Variants in ROR1 observed in about 807,000 individuals in gnomAD.
ROR1 encodes the protein ROR family WNT receptor 1, also known as inactive tyrosine-protein kinase transmembrane receptor ROR1.
Under a neutral mutation model 78.8 loss-of-function variants are expected in ROR1, and 19 were observed. The ratio of observed to expected loss-of-function variants is 0.24; its 90% confidence interval spans 0.17 to 0.35. The LOEUF is 0.35. Among genes scored for constraint, ROR1 ranks in the 10% least tolerant of loss-of-function variants. The probability of loss-of-function intolerance (pLI) is 1.00; values close to 1 mark genes in which losing one functional copy is unlikely to be tolerated. For missense variants in ROR1, 917 were observed against 1,177.8 expected (o/e 0.78, Z 3.24); for synonymous variants, 386 against 433.6 (o/e 0.89, Z 1.36).
chr1:63,903,615 T>C (rs1043765998), intron 1 of ROR1, among the ~76,000 whole-genome samples: 2 of 152,158 alleles, frequency 1.3e-5, no homozygotes, highest in African/African-American at 4.8e-5. Flanking sequence ...GCTCACCCCA[T>C]GTCCATAGGT....
chr1:64,121,058 CCTTTTTTTTTTTTTTTTTTTTTTT>C (rs1347387211), intron 4 of ROR1, among the ~76,000 whole-genome samples: 13 of 112,082 alleles, frequency 1.2e-4, no homozygotes, highest in East Asian at 2.2e-4. Context: ...GGGAGATACC[CCTTTTTTTTTTTTTTTTTTTTTTT>C]TTTTTTTTTT....
At chr1:63,827,550 G>A (rs1476387610) in intron 1 of ROR1, among the ~76,000 whole-genome samples, 1 of 152,136 alleles carries the variant, frequency 6.6e-6, no homozygotes, top group East Asian at 1.9e-4. Context: ...TCTGTAAACT[G>A]GAAGCATTCT....
At chr1:63,997,601 A>G (rs553399442) in intron 1 of ROR1, among the ~76,000 whole-genome samples, 47 of 152,232 alleles carry the variant, frequency 3.1e-4, no homozygotes, top group African/African-American at 1.1e-3. Flanking sequence ...TGTGTTTTTC[A>G]GTTATTTTTA....
chr1:64,132,803 T>C (rs1322996033), intron 4 of ROR1, among the ~76,000 whole-genome samples: 3 of 150,040 alleles, frequency 2.0e-5, no homozygotes, highest in African/African-American at 7.5e-5. Context: ...GATAGGCATT[T>C]TAACTGAAAT....
intron 2 of ROR1, among the ~76,000 whole-genome samples, chr1:64,041,004 T>A (rs546056808): frequency 1.6e-4 from 24 of 152,314 alleles, no homozygotes; most frequent in Middle Eastern, 3.4e-3. Context: ...TTTATCTGGA[T>A]GGTCTCAAGT....
chr1:63,873,763 A>G (rs1016170735), intron 1 of ROR1, among the ~76,000 whole-genome samples: 1 of 152,122 alleles, frequency 6.6e-6, no homozygotes, highest in East Asian at 1.9e-4. Context: ...CACTAATAGC[A>G]AAACTAAAAT....
intron 1 of ROR1, among the ~76,000 whole-genome samples, chr1:63,899,053 C>T (rs964949745): frequency 6.6e-6 from 1 of 152,088 alleles, no homozygotes; most frequent in Non-Finnish European, 1.5e-5. Flanking sequence ...CTCCATCACA[C>T]AGGACCTGCT....
intron 1 of ROR1, among the ~76,000 whole-genome samples, chr1:63,775,065 C>G (rs905761999): frequency 1.3e-5 from 2 of 152,116 alleles, no homozygotes; most frequent in Non-Finnish European, 2.9e-5. Flanking sequence ...CCGGCCCTCC[C>G]GAGAGTCATC....
chr1:63,952,138 A>G (rs1645944926), intron 1 of ROR1, among the ~76,000 whole-genome samples: 1 of 152,120 alleles, frequency 6.6e-6, no homozygotes, highest in Non-Finnish European at 1.5e-5. Flanking sequence ...GGTAAAGTGT[A>G]GCTGTTTTGT....
At chr1:63,903,204 A>G (rs1433596262) in intron 1 of ROR1, among the ~76,000 whole-genome samples, 3 of 152,178 alleles carry the variant, frequency 2.0e-5, no homozygotes, top group Admixed American at 6.5e-5. Flanking sequence ...TCTCTGCCCT[A>G]TCAGCTGGGA....
At chr1:64,048,768 G>A (rs1646805393) in intron 2 of ROR1, among the ~76,000 whole-genome samples, 2 of 152,084 alleles carry the variant, frequency 1.3e-5, no homozygotes, top group African/African-American at 4.8e-5. Context: ...AGGAGCCAAA[G>A]CAAAATATAC....
chr1:64,058,091 T>G (rs1348700313), intron 4 of ROR1, among the ~76,000 whole-genome samples: 1 of 152,232 alleles, frequency 6.6e-6, no homozygotes, highest in Non-Finnish European at 1.5e-5. Flanking sequence ...TCTTTCATGC[T>G]ATTGGAAATG....
At chr1:63,941,220 G>C (rs1645836803) in intron 1 of ROR1, among the ~76,000 whole-genome samples, 1 of 152,086 alleles carries the variant, frequency 6.6e-6, no homozygotes, top group South Asian at 2.1e-4. Context: ...CTCTGGATTA[G>C]ATATATATAA....
At chr1:63,782,947 C>G (rs951542938) in intron 1 of ROR1, among the ~76,000 whole-genome samples, 15 of 151,966 alleles carry the variant, frequency 9.9e-5, no homozygotes, top group Non-Finnish European at 1.8e-4. Flanking sequence ...ATGATGTGAG[C>G]CTTGAAGGAA....
intron 4 of ROR1, among the ~76,000 whole-genome samples, chr1:64,109,179 A>G (rs1246075979): frequency 6.6e-6 from 1 of 152,118 alleles, no homozygotes; most frequent in African/African-American, 2.4e-5. Flanking sequence ...GGCATCAACT[A>G]TTGTTCTGAG....
chr1:63,827,362 A>G (rs1171393552), intron 1 of ROR1, among the ~76,000 whole-genome samples: 6 of 152,074 alleles, frequency 3.9e-5, no homozygotes, highest in Non-Finnish European at 8.8e-5. Flanking sequence ...CTTTGCCTAC[A>G]GGTGCTGTTT....
chr1:63,785,459 A>G, intron 1 of ROR1, among the ~76,000 whole-genome samples: 1 of 151,748 alleles, frequency 6.6e-6, no homozygotes, highest in Non-Finnish European at 1.5e-5. Context: ...AGTGGTGTGT[A>G]GACCACTGAA....
At chr1:64,114,313 G>C (rs1648232710) in intron 4 of ROR1, among the ~76,000 whole-genome samples, 1 of 152,214 alleles carries the variant, frequency 6.6e-6, no homozygotes. Context: ...TTCTTAGAAA[G>C]TTAATGCCCT....
intron 1 of ROR1, among the ~76,000 whole-genome samples, chr1:63,821,009 C>T (rs1055166350): frequency 1.3e-5 from 2 of 152,092 alleles, no homozygotes; most frequent in Non-Finnish European, 2.9e-5. Flanking sequence ...TGTTAATGCT[C>T]TATAAGGAGC....
Sources: allele counts gnomAD v4.1 joint callset (sites outside exome capture counted in the v4.1 genomes callset), GRCh38; gene constraint gnomAD v4.1.1; transcripts MANE v1.5; gene names NCBI Gene and HGNC (gene_info 2026-07-23, HGNC 2026-07-21).